Variants in NARS2 observed in about 807,000 individuals in gnomAD.
The protein encoded by NARS2 is asparaginyl-tRNA synthetase 2, mitochondrial.
Under a neutral mutation model 62.9 loss-of-function variants are expected in NARS2, and 60 were observed. That is an observed-to-expected ratio of 0.95 (90% CI 0.77 to 1.18). The LOEUF (loss-of-function observed/expected upper bound fraction) is 1.18, where lower values mean the gene tolerates loss of function less well. NARS2 is among the 50% of genes most tolerant of loss of function. NARS2 has a pLI of 0.00. For synonymous variants in NARS2, 196 were observed against 200.0 expected (o/e 0.98, Z 0.17); for missense variants, 619 against 576.4 (o/e 1.07, Z -0.76).
At chr11:78,521,168 T>A in intron 6 of NARS2, among the ~76,000 whole-genome samples, 1 of 142,792 alleles carries the variant, frequency 7.0e-6, no homozygotes, top group African/African-American at 2.6e-5. Flanking sequence ...CTCTCTTTCT[T>A]TTTTTTTTTT....
intron 11 of NARS2, among the ~76,000 whole-genome samples, chr11:78,463,140 C>T (rs1173325797): frequency 1.3e-5 from 2 of 152,180 alleles, no homozygotes; most frequent in Admixed American, 6.5e-5. Context: ...TTATGGCTCA[C>T]TGAAGCCTCG....
intron 6 of NARS2, among the ~76,000 whole-genome samples, chr11:78,507,069 G>T (rs1860529958): frequency 1.3e-5 from 2 of 152,000 alleles, no homozygotes. Context: ...CCAAATACTG[G>T]GAATCTAGGC....
chr11:78,537,751 T>C (rs887359520), intron 5 of NARS2, among the ~76,000 whole-genome samples: 2 of 152,234 alleles, frequency 1.3e-5, no homozygotes, highest in African/African-American at 4.8e-5. Context: ...CAAGCCGTGA[T>C]TGCACCACTG....
intron 6 of NARS2, among the ~76,000 whole-genome samples, chr11:78,528,129 A>C (rs1351111279): frequency 2.0e-5 from 3 of 152,094 alleles, no homozygotes; most frequent in Admixed American, 2.0e-4. Flanking sequence ...CCAGCTACTC[A>C]GAAGGCTGAG....
chr11:78,491,625 A>G (rs1188988909), intron 7 of NARS2, among the ~76,000 whole-genome samples: 2 of 152,230 alleles, frequency 1.3e-5, no homozygotes, highest in East Asian at 1.9e-4. Flanking sequence ...GTTTAGGACC[A>G]TTCCAGTTCC....
intron 2 of NARS2, among the ~76,000 whole-genome samples, chr11:78,570,591 T>C (rs1856889580): frequency 6.6e-6 from 1 of 152,172 alleles, no homozygotes; most frequent in African/African-American, 2.4e-5. Flanking sequence ...TTTTAATATA[T>C]CTAGACTGGT....
At position 78,458,759 on chromosome 11, in the gene NARS2, G is replaced by A. The variant is rs922990710; in HGVS notation, c.1164+7117C>T. On this transcript the variant is annotated intron_variant, in intron 11 of 13. Coordinates refer to ENST00000281038, the MANE Select transcript of NARS2 (RefSeq NM_024678.6). ...TATACCGATGAATGAAAAAGAAGTT[G>A]ATATGGTTTTGCTGGGTGTCCCCAC... is the stretch of plus-strand genomic sequence containing the variant. Among the ~76,000 whole-genome samples, 6 of 152,330 alleles carry A rather than the reference G, an allele frequency of 3.9e-5. No individual in the cohort carries two copies. In the South Asian group the frequency reaches 8.3e-4, roughly 21 times the overall value.
intron 7 of NARS2, among the ~76,000 whole-genome samples, chr11:78,486,134 C>T (rs1361592100): frequency 1.3e-5 from 2 of 152,188 alleles, no homozygotes; most frequent in Non-Finnish European, 2.9e-5. Flanking sequence ...CTCGGCCTCC[C>T]AAAGTGCTGG....
intron 5 of NARS2, chr11:78,555,249 T>G (rs747497174): frequency 2.6e-5 from 4 of 152,220 alleles, no homozygotes; most frequent in Non-Finnish European, 5.9e-5. Context: ...CCTCACAGAA[T>G]GAGTTGAGGA....
At chr11:78,552,173 G>A (rs952982726) in intron 5 of NARS2, among the ~76,000 whole-genome samples, 1 of 152,158 alleles carries the variant, frequency 6.6e-6, no homozygotes, top group African/African-American at 2.4e-5. Context: ...AGACACCAGT[G>A]TCTGTTGTTT....
In NARS2 at chr11:78,505,269, TACACACACACACACACACAC is replaced by T. The variant is rs10533814; in HGVS notation, c.690-12094_690-12075del. Among the ~76,000 whole-genome samples the T allele has an allele frequency of 2.1e-3, 284 of 133,424 alleles. 1 individual carries two copies. The highest frequency in any genetic ancestry group is 4.4e-3 in the East Asian group (20 of 4,534). The allele number at this position is 133,424 out of a possible 152,430, so 87.5% of individuals were successfully genotyped here. ...ACCTTGTCTCTTAAAGAAAACAAAA[TACACACACACACACACACAC>T]ACACACACACACACACACACACACA... On this transcript the variant is annotated intron_variant, in intron 6 of 13. Transcript: ENST00000281038.
rs1167838676 is a variant in NARS2, at chr11:78,563,829, C to CAA, written c.513+2301_513+2302dup. 4.0e-3 allele frequency among the ~76,000 whole-genome samples: 56 copies of CAA among 14,122 alleles called. 2 individuals carry two copies. Among genetic ancestry groups the CAA allele is most frequent in the Middle Eastern group, 0.05 (1 of 20 alleles). The allele number at this position is 14,122 out of a possible 152,430, so 9.3% of individuals were successfully genotyped here. A position where few individuals can be genotyped will look rare whatever the true frequency, so the allele number is the denominator to read the frequency against. ...CTGGGCAACAGAGTGAACTCTGTAT[C>CAA]AAAAAAAAAAAAAAAAAAAAAAATA... On this transcript the variant is annotated intron_variant, in intron 4 of 13. Coordinates refer to ENST00000281038, the MANE Select transcript of NARS2 (RefSeq NM_024678.6).
Position 78,469,211 on chromosome 11 carries a change from TCA to T in NARS2, c.1026+34_1026+35del, listed in dbSNP as rs751118197. 21 of 1,416,670 alleles carry T rather than the reference TCA, an allele frequency of 1.5e-5. No individual in the cohort carries two copies. In the South Asian group the frequency reaches 2.1e-4, roughly 14 times the overall value. 87.8% of individuals were successfully genotyped at this position (1,416,670 alleles called of 1,614,324 possible). Reference sequence around the variant, plus strand: ...AGCTAAAGACAAGAAGGAAGCATTTTCACACACACATATATACATACACACAA... The same window carrying T: ...AGCTAAAGACAAGAAGGAAGCATTTTCACACACATATATACATACACACAA... On this transcript the variant is annotated intron_variant, in intron 10 of 13. Coordinates refer to ENST00000281038, the MANE Select transcript of NARS2 (RefSeq NM_024678.6).
intron 11 of NARS2, among the ~76,000 whole-genome samples, chr11:78,456,453 G>A (rs926568022): frequency 6.6e-6 from 1 of 152,138 alleles, no homozygotes; most frequent in South Asian, 2.1e-4. Context: ...CCTAGATATG[G>A]GGAAAATTGG....
chr11:78,521,402 G>A (rs554171838), intron 6 of NARS2, among the ~76,000 whole-genome samples: 1 of 152,176 alleles, frequency 6.6e-6, no homozygotes. Context: ...TGAACTAGTG[G>A]CTTCAAGTGA....
intron 5 of NARS2, among the ~76,000 whole-genome samples, chr11:78,553,432 G>C (rs2135498188): frequency 6.6e-6 from 1 of 152,204 alleles, no homozygotes; most frequent in East Asian, 1.9e-4. Context: ...GGGATTACAG[G>C]CATGTGCCAC....
intron 9 of NARS2, among the ~76,000 whole-genome samples, chr11:78,472,219 T>G (rs1053865673): frequency 1.2e-4 from 18 of 152,230 alleles, no homozygotes; most frequent in Non-Finnish European, 2.2e-4. Context: ...TTTCTTGATA[T>G]GTATAGAAAA....
intron 5 of NARS2, among the ~76,000 whole-genome samples, chr11:78,538,632 G>A (rs996059624): frequency 6.6e-6 from 1 of 152,074 alleles, no homozygotes; most frequent in Non-Finnish European, 1.5e-5. Context: ...CGTGGGAAGG[G>A]GGTGTCATAC....
intron 11 of NARS2, among the ~76,000 whole-genome samples, chr11:78,457,425 T>A (rs190701115): frequency 1.3e-5 from 2 of 152,222 alleles, no homozygotes; most frequent in Admixed American, 1.3e-4. Flanking sequence ...AGAAACAGAA[T>A]TTAGTCATCT....
Sources: allele counts gnomAD v4.1 joint callset (sites outside exome capture counted in the v4.1 genomes callset), GRCh38; gene constraint gnomAD v4.1.1; transcripts MANE v1.5; gene names NCBI Gene and HGNC (gene_info 2026-07-23, HGNC 2026-07-21).